Variants in ADCY10 observed in about 807,000 individuals in gnomAD.
The protein encoded by ADCY10 is adenylate cyclase 10, also known as adenylate cyclase type 10.
A neutral mutation model predicts 183.3 loss-of-function variants in ADCY10; 156 were observed. The observed-to-expected ratio is 0.85, with a 90% CI of 0.75 to 0.97. The LOEUF (loss-of-function observed/expected upper bound fraction) is 0.97, where lower values mean the gene tolerates loss of function less well. Among genes scored for constraint, ADCY10 ranks in the 50% least tolerant of loss-of-function variants. The probability of loss-of-function intolerance (pLI) is 0.00; values close to 1 mark genes in which losing one functional copy is unlikely to be tolerated. For synonymous variants in ADCY10, 645 were observed against 670.0 expected, an observed-to-expected ratio of 0.96 and a Z score of 0.58; for missense variants, 1,745 against 1,934.3, an observed-to-expected ratio of 0.90 and a Z score of 1.84.
chr1:167,826,159 T>C (rs190645908), intron 26 of ADCY10, among the ~76,000 whole-genome samples: 29 of 152,300 alleles, frequency 1.9e-4, no homozygotes, highest in African/African-American at 7.0e-4. Flanking sequence ...GAGAATTCCT[T>C]TCTTTCTGGT....
At chr1:167,891,198 G>A (rs1668565326) in intron 8 of ADCY10, among the ~76,000 whole-genome samples, 1 of 151,940 alleles carries the variant, frequency 6.6e-6, no homozygotes, top group African/African-American at 2.4e-5. Flanking sequence ...CTGACCTGGT[G>A]ATCCACCCAC....
chr1:167,877,241 C>G (rs574257549), intron 12 of ADCY10, among the ~76,000 whole-genome samples: 7 of 148,522 alleles, frequency 4.7e-5, no homozygotes, highest in African/African-American at 1.5e-4. Context: ...TAGTTTCTAT[C>G]TCGTATGGTC....
chr1:167,814,512 T>C (rs1662403117), intron 31 of ADCY10, among the ~76,000 whole-genome samples: 1 of 151,122 alleles, frequency 6.6e-6, no homozygotes, highest in African/African-American at 2.4e-5. Context: ...TCAATATATA[T>C]GAAGCAAAAA....
rs1332976291 is a variant in ADCY10, at chr1:167,809,414, A to C, written c.*264T>G. 1 of 443,030 alleles carries C rather than the reference A, an allele frequency of 2.3e-6. No homozygotes were observed. Among genetic ancestry groups the C allele is most frequent in the Non-Finnish European group, 4.1e-6 (1 of 245,514 alleles). The allele number at this position is 443,030 out of a possible 1,614,324, so 27.4% of individuals were successfully genotyped here. ...AGATTAATAATTTGTAATATGATAC[A>C]GTTTTGCATGGGCTGAAATAAACAG... On this transcript the variant is annotated 3_prime_UTR_variant, in exon 33 of 33. Coordinates refer to ENST00000367851, the MANE Select transcript of ADCY10 (RefSeq NM_018417.6).
chr1:167,880,346 G>A (rs766963685), intron 10 of ADCY10, 145 bp downstream of exon 10: 49 of 952,342 alleles, frequency 5.1e-5, no homozygotes, highest in Admixed American at 1.3e-4. Context: ...TACATGGCCC[G>A]GAGATGCGAA....
At chr1:167,903,212 T>C (rs184437082) in intron 3 of ADCY10, among the ~76,000 whole-genome samples, 1 of 151,740 alleles carries the variant, frequency 6.6e-6, no homozygotes, top group Non-Finnish European at 1.5e-5. Context: ...GCTGAGATCG[T>C]GCCACTGCAC....
intron 6 of ADCY10, among the ~76,000 whole-genome samples, chr1:167,897,717 C>T (rs1481756583): frequency 0.5 from 1 of 2 alleles, no homozygotes; most frequent in African/African-American, 0.5. Context: ...TCAACAAGGC[C>T]GGGCGCCAGG....
chr1:167,911,247 C>A (rs1670130339), intron 1 of ADCY10, among the ~76,000 whole-genome samples: 1 of 152,188 alleles, frequency 6.6e-6, no homozygotes, highest in East Asian at 1.9e-4. Context: ...CAAAGACTTT[C>A]CTCCCCGTCT....
At chr1:167,837,008 G>C in intron 22 of ADCY10, 1 of 481,660 alleles carries the variant, frequency 2.1e-6, no homozygotes, top group Non-Finnish European at 3.8e-6. Flanking sequence ...CTGGGTGACA[G>C]AGCGAGACTC....
At chr1:167,865,854 G>A (rs1269020984) in intron 14 of ADCY10, among the ~76,000 whole-genome samples, 1 of 152,204 alleles carries the variant, frequency 6.6e-6, no homozygotes, top group Non-Finnish European at 1.5e-5. Context: ...TGGTCCTCCA[G>A]TCCACCAGGC....
intron 11 of ADCY10, among the ~76,000 whole-genome samples, chr1:167,879,191 T>G (rs1667702572): frequency 6.6e-6 from 1 of 152,210 alleles, no homozygotes. Context: ...GCAAACTACT[T>G]GGGACAATTA....
Position 167,820,009 on chromosome 1 carries a change from T to C in ADCY10, c.4287-1742A>G, listed in dbSNP as rs1025768462. On this transcript the variant is annotated intron_variant, in intron 30 of 32. Coordinates refer to ENST00000367851, the MANE Select transcript of ADCY10 (RefSeq NM_018417.6). ...CAAAGTGGATGACTCTCCTTGGGAC[T>C]TTCTTCTTTTTTCCTATGACTCCCA... The C allele has an allele frequency of 1.8e-5, 28 of 1,548,578 alleles. No individual in the cohort carries two copies. In the African/African-American group the frequency reaches 3.8e-4, roughly 21 times the overall value.
In ADCY10 at chr1:167,870,255, AC is replaced by A; in HGVS notation, c.1616+1del. On this transcript the variant is annotated splice_donor_variant, in intron 14 of 32. Transcript: ENST00000367851. LOFTEE classifies it high-confidence loss of function. ...ACAGAACAATCATTCCAAGACACTCACCTGTGATTCTTACCTTGGGCCAGGT... is the reference window on the plus strand; with the variant it reads ...ACAGAACAATCATTCCAAGACACTCACTGTGATTCTTACCTTGGGCCAGGT... 6.2e-7 allele frequency: 1 copy of A among 1,613,924 alleles called. No individual in the cohort carries two copies. Among genetic ancestry groups the A allele is most frequent in the African/African-American group, 1.3e-5 (1 of 74,988 alleles).
chr1:167,861,364 T>C (rs559734960), intron 14 of ADCY10, among the ~76,000 whole-genome samples: 14 of 152,298 alleles, frequency 9.2e-5, no homozygotes, highest in Non-Finnish European at 2.1e-4. Flanking sequence ...GGAGCTCCCA[T>C]TGCCTAACGG....
intron 1 of ADCY10, among the ~76,000 whole-genome samples, chr1:167,908,323 C>T (rs553488440): frequency 2.6e-5 from 4 of 152,170 alleles, no homozygotes; most frequent in East Asian, 1.9e-4. Flanking sequence ...AAATATTGAA[C>T]GATCTCACTT....
chr1:167,856,889 G>T (rs1415649050), intron 16 of ADCY10, among the ~76,000 whole-genome samples: 1 of 152,186 alleles, frequency 6.6e-6, no homozygotes, highest in African/African-American at 2.4e-5. Context: ...TGGGCTAGGT[G>T]CTGAACAAAA....
At chr1:167,894,589 G>A (rs751008200) in intron 7 of ADCY10, among the ~76,000 whole-genome samples, 3 of 151,998 alleles carry the variant, frequency 2.0e-5, no homozygotes, top group Non-Finnish European at 4.4e-5. Context: ...AGGGTTTTCA[G>A]CAGGGAAGAA....
At chr1:167,890,193 C>A (rs1161324707) in intron 8 of ADCY10, among the ~76,000 whole-genome samples, 3 of 152,078 alleles carry the variant, frequency 2.0e-5, no homozygotes, top group African/African-American at 7.2e-5. Context: ...TTTGTACCTG[C>A]CCTCCTTGGG....
intron 24 of ADCY10, 73 bp from the exon 25 acceptor site, chr1:167,833,235 A>G (rs892601106): frequency 3.2e-5 from 45 of 1,399,312 alleles, no homozygotes; most frequent in African/African-American, 4.2e-5. Context: ...GGTCCCAACA[A>G]TCCATATTTT....
Sources: allele counts gnomAD v4.1 joint callset (sites outside exome capture counted in the v4.1 genomes callset), GRCh38; gene constraint gnomAD v4.1.1; transcripts MANE v1.5; gene names NCBI Gene and HGNC (gene_info 2026-07-23, HGNC 2026-07-21).